ARFGEF2: variants seen among roughly 807,000 people sequenced by gnomAD.
ARFGEF2 encodes the protein ARF guanine nucleotide exchange factor 2.
In ARFGEF2, 74 loss-of-function variants were observed where a neutral mutation model predicts 219.9. That is an observed-to-expected ratio of 0.34 (90% CI 0.28 to 0.41). The LOEUF (loss-of-function observed/expected upper bound fraction) is 0.41. Among genes scored for constraint, ARFGEF2 ranks in the 10% least tolerant of loss-of-function variants. ARFGEF2 has a pLI of 1.00. For missense variants in ARFGEF2, 1,743 were observed against 2,218.3 expected, an observed-to-expected ratio of 0.79 and a Z score of 4.30; for synonymous variants, 733 against 799.2, an observed-to-expected ratio of 0.92 and a Z score of 1.40.
chr20:48,945,365 G>A (rs1004584954), intron 3 of ARFGEF2, among the ~76,000 whole-genome samples: 1 of 152,176 alleles, frequency 6.6e-6, no homozygotes, highest in African/African-American at 2.4e-5. Context: ...TTTAGTATGT[G>A]TTCCTTTATG....
intron 6 of ARFGEF2, among the ~76,000 whole-genome samples, chr20:48,957,637 G>A (rs1189493851): frequency 6.6e-6 from 1 of 152,160 alleles, no homozygotes; most frequent in African/African-American, 2.4e-5. Flanking sequence ...AGATACAATG[G>A]ACTTAGTAGT....
intron 26 of ARFGEF2, among the ~76,000 whole-genome samples, chr20:49,009,876 G>A (rs1379330627): frequency 6.6e-6 from 1 of 152,132 alleles, no homozygotes; most frequent in East Asian, 1.9e-4. Flanking sequence ...AAACCACAAG[G>A]CTATTTATTG....
chr20:48,936,933 A>AT (rs929350768), intron 1 of ARFGEF2, among the ~76,000 whole-genome samples: 10 of 152,004 alleles, frequency 6.6e-5, no homozygotes, highest in African/African-American at 2.2e-4. Context: ...TCCTTCGCCC[A>AT]TTTTTTGTTG....
chr20:49,031,220 C>CTTTTTT (rs869105434), intron 37 of ARFGEF2, among the ~76,000 whole-genome samples: 2 of 59,414 alleles, frequency 3.4e-5, no homozygotes, highest in Non-Finnish European at 5.6e-5. Flanking sequence ...TGAGTTTGGA[C>CTTTTTT]TTTTTTTTTT....
intron 28 of ARFGEF2, among the ~76,000 whole-genome samples, chr20:49,012,821 T>G (rs1267465940): frequency 6.6e-6 from 1 of 152,202 alleles, no homozygotes; most frequent in Non-Finnish European, 1.5e-5. Flanking sequence ...CTATGAGATG[T>G]AATTATATCC....
At chr20:48,997,560 A>G (rs559573855) in intron 23 of ARFGEF2, among the ~76,000 whole-genome samples, 35 of 152,148 alleles carry the variant, frequency 2.3e-4, no homozygotes, top group Non-Finnish European at 4.6e-4. Context: ...GGCATGAGCC[A>G]CTGCGCCTGG....
At chr20:49,003,839 G>T (rs1263690708) in intron 25 of ARFGEF2, among the ~76,000 whole-genome samples, 1 of 152,048 alleles carries the variant, frequency 6.6e-6, no homozygotes, top group African/African-American at 2.4e-5. Flanking sequence ...CCATAGACAA[G>T]TACAATTTTT....
intron 8 of ARFGEF2, 125 bp downstream of exon 8, chr20:48,966,148 A>G: frequency 1.7e-6 from 2 of 1,174,696 alleles, no homozygotes; most frequent in South Asian, 2.6e-5. Flanking sequence ...TTAGTCACAC[A>G]GTCCTGGGCT....
chr20:49,025,982 G>GAAA (rs3092702), intron 36 of ARFGEF2, among the ~76,000 whole-genome samples: 1,641 of 127,774 alleles, frequency 0.013, 12 homozygotes, highest in Middle Eastern at 0.03. Context: ...ACTCCATCTG[G>GAAA]AAAAAAAAAA....
intron 9 of ARFGEF2, among the ~76,000 whole-genome samples, chr20:48,970,207 CGG>C (rs1877862681): frequency 1.3e-5 from 2 of 152,128 alleles, no homozygotes; most frequent in African/African-American, 4.8e-5. Flanking sequence ...CCCAGCCACT[CGG>C]GAAGCTGAGG....
In ARFGEF2 at chr20:49,031,970, A is replaced by C. The variant is rs564393419; in HGVS notation, c.5064-79A>C. On this transcript the variant is annotated intron_variant, in intron 37 of 38. Coordinates refer to ENST00000371917, the MANE Select transcript of ARFGEF2 (RefSeq NM_006420.3). Reference sequence around the variant, plus strand: ...ATGTTAAAATAATTTTAAAAATAGCACAAGAATGAATAGTTCTCCCCTGAA... The same window carrying C: ...ATGTTAAAATAATTTTAAAAATAGCCCAAGAATGAATAGTTCTCCCCTGAA... The C allele has an allele frequency of 5.5e-5, 57 of 1,036,508 alleles. No homozygotes were observed. In the African/African-American group the frequency reaches 8.3e-4, roughly 15 times the overall value. The allele number at this position is 1,036,508 out of a possible 1,614,324, so 64.2% of individuals were successfully genotyped here.
At chr20:48,939,726 T>A (rs1232843130) in intron 1 of ARFGEF2, among the ~76,000 whole-genome samples, 1 of 152,236 alleles carries the variant, frequency 6.6e-6, no homozygotes, top group Non-Finnish European at 1.5e-5. Context: ...CTTATGTGTG[T>A]AATAAGATAT....
rs372932047 is a variant in ARFGEF2 at position 48,971,358 on chromosome 20, C to T, written c.1425+4C>T. On this transcript the variant is annotated splice_donor_region_variant and intron_variant, in intron 10 of 38. Transcript: ENST00000371917. ...GCACTTGAAAATGCAGATAGAGGTA[C>T]GGATTCCAAAGTTTTTTCATTTCAT... The T allele has an allele frequency of 4.4e-5, 71 of 1,608,086 alleles. No homozygotes were observed. The highest frequency in any genetic ancestry group is 6.7e-5 in the East Asian group (3 of 44,872).
rs1325613590 is a variant in ARFGEF2, at chr20:48,971,594, C to A, written c.1425+240C>A. Among the ~76,000 whole-genome samples, 3 of 152,146 alleles carry A rather than the reference C, an allele frequency of 2.0e-5. No homozygotes were observed. In the East Asian group the frequency reaches 5.8e-4, roughly 29 times the overall value. On this transcript the variant is annotated intron_variant, in intron 10 of 38. Transcript: ENST00000371917. ...ACTTTTTGAATGAGTAAGAGAATAT[C>A]TTTTTATAAAAAGTTACTGCCCCCA... is the stretch of plus-strand genomic sequence containing the variant.
intron 14 of ARFGEF2, among the ~76,000 whole-genome samples, chr20:48,979,979 CCTT>C (rs2091285123): frequency 6.6e-6 from 1 of 151,682 alleles, no homozygotes. Context: ...GTCTCTATCT[CCTT>C]CAGTTCTGCT....
At chr20:48,965,696 A>G (rs889352337) in intron 7 of ARFGEF2, among the ~76,000 whole-genome samples, 176 bp from the exon 8 acceptor site, 4 of 152,196 alleles carry the variant, frequency 2.6e-5, no homozygotes, top group African/African-American at 9.7e-5. Context: ...CGTAAGGCTT[A>G]AGCATCACTT....
chr20:48,971,823 C>T lies in ARFGEF2; in HGVS notation c.1425+469C>T, dbSNP rs373804189. ...GGCTGAGGCAGGAGAATGGCATGAACCCGGGAGGCGGAGCTTGCAGTGAGC... is the reference window on the plus strand; with the variant it reads ...GGCTGAGGCAGGAGAATGGCATGAATCCGGGAGGCGGAGCTTGCAGTGAGC... On this transcript the variant is annotated intron_variant, in intron 10 of 38. Transcript: ENST00000371917. Among the ~76,000 whole-genome samples, 111 of 152,074 alleles carry T rather than the reference C, an allele frequency of 7.3e-4. 3 individuals are homozygous for T. In the East Asian group the frequency reaches 0.017, roughly 23 times the overall value.
At chr20:48,930,296 TTAAAGGC>T (rs1426496211) in intron 1 of ARFGEF2, among the ~76,000 whole-genome samples, 2 of 152,214 alleles carry the variant, frequency 1.3e-5, no homozygotes, top group African/African-American at 4.8e-5. Flanking sequence ...TAATCACTTC[TTAAAGGC>T]TCCACTCTTA....
At chr20:49,014,193 G>C (rs1011732716) in intron 30 of ARFGEF2, among the ~76,000 whole-genome samples, 1 of 151,918 alleles carries the variant, frequency 6.6e-6, no homozygotes, top group African/African-American at 2.4e-5. Flanking sequence ...GTGGTCTGCT[G>C]CTTGGCCCTC....
Sources: allele counts gnomAD v4.1 joint callset (sites outside exome capture counted in the v4.1 genomes callset), GRCh38; gene constraint gnomAD v4.1.1; transcripts MANE v1.5; gene names NCBI Gene and HGNC (gene_info 2026-07-23, HGNC 2026-07-21).